The following PGD variants were observed in gnomAD, a reference collection of about 807,000 sequenced individuals.
PGD encodes the protein 6-phosphogluconate dehydrogenase, decarboxylating.
PGD carries 21 observed loss-of-function variants against 60.4 expected under a neutral mutation model. That is an observed-to-expected ratio of 0.35 (90% CI 0.25 to 0.50). The LOEUF (loss-of-function observed/expected upper bound fraction) is 0.50, where lower values mean the gene tolerates loss of function less well. Among genes scored for constraint, PGD ranks in the 20% least tolerant of loss-of-function variants. The pLI is 0.98. For missense variants in PGD, 477 were observed against 613.1 expected, an observed-to-expected ratio of 0.78 and a Z score of 2.34; for synonymous variants, 230 against 235.9, an observed-to-expected ratio of 0.97 and a Z score of 0.23.
At chr1:10,416,893 A>G (rs904387787) in intron 8 of PGD, 94 bp from the exon 9 acceptor site, 35 of 1,190,406 alleles carry the variant, frequency 2.9e-5, no homozygotes, top group Non-Finnish European at 3.9e-5. Context: ...GGCCATCTGG[A>G]TGTATACATG....
At chr1:10,403,181 C>A in intron 4 of PGD, 45 bp downstream of exon 4, 1 of 1,398,290 alleles carries the variant, frequency 7.2e-7, no homozygotes, top group Non-Finnish European at 1.0e-6. Flanking sequence ...CGAGAACATT[C>A]TAGAAAAAAG....
intron 3 of PGD, among the ~76,000 whole-genome samples, chr1:10,402,481 G>A (rs1639330995): frequency 6.6e-6 from 1 of 151,176 alleles, no homozygotes; most frequent in African/African-American, 2.4e-5. Context: ...TAGCCCAGGA[G>A]TTTGAGACCA....
Position 10,413,183 on chromosome 1 carries a change from G to A in PGD, c.776G>A (p.Gly259Glu), listed in dbSNP as rs750694945. Reference protein sequence around the residue: ...HLLPKIRDSAGQKGTGKWTAI... With the variant: ...HLLPKIRDSAEQKGTGKWTAI... ...CTGCCAAAGATCAGGGACAGCGCGG[G>A]GCAGAAGGGCACAGGGAAGTGGACC... Residue 259 changes from glycine (G) to glutamate (E), a missense_variant, in exon 8 of 13, where the codon GGG becomes GAG. Around this residue, in one of 3 missense-constraint regions of PGD, gnomAD observed 431 missense variants for 556.6 expected, o/e 0.77. Transcript: ENST00000270776. 2.5e-6 allele frequency: 4 copies of A among 1,614,182 alleles called. No homozygotes were observed. Among genetic ancestry groups the A allele is most frequent in the Admixed American group, 3.3e-5 (2 of 60,016 alleles).
Position 10,417,122 on chromosome 1 carries a change from G to A in PGD, c.975+5G>A. The A allele has an allele frequency of 1.2e-6, 2 of 1,613,822 alleles. No individual in the cohort carries two copies. Among genetic ancestry groups the A allele is most frequent in the Non-Finnish European group, 1.7e-6 (2 of 1,179,812 alleles). On this transcript the variant is annotated splice_donor_5th_base_variant and intron_variant, in intron 9 of 12. Coordinates refer to ENST00000270776, the MANE Select transcript of PGD (RefSeq NM_002631.4). The stretch of plus-strand genomic sequence containing the variant: ...TTCCTGGAGGACATTCGGAAGGTGG[G>A]ACACAGTCCCTGGCAGTGGTCTTTG...
Position 10,419,945 on chromosome 1 carries a change from G to A in PGD, c.*196G>A. The A allele has an allele frequency of 1.6e-6, 1 of 614,642 alleles. No individual in the cohort carries two copies. The highest frequency in any genetic ancestry group is 2.8e-6 in the Non-Finnish European group (1 of 357,224). The allele number at this position is 614,642 out of a possible 1,614,324, so 38.1% of individuals were successfully genotyped here. ...ACCATGCCCTCTGCCCTTGCCTCTT[G>A]GGACTGACCAGGAGCTGCTCATGTG... is the stretch of plus-strand genomic sequence containing the variant. On this transcript the variant is annotated 3_prime_UTR_variant, in exon 13 of 13. Coordinates refer to ENST00000270776, the MANE Select transcript of PGD (RefSeq NM_002631.4).
At chr1:10,414,071 G>A (rs1456958892) in intron 8 of PGD, among the ~76,000 whole-genome samples, 1 of 152,116 alleles carries the variant, frequency 6.6e-6, no homozygotes, top group Non-Finnish European at 1.5e-5. Flanking sequence ...AAAAAAGTTT[G>A]CGAATAACAT....
intron 4 of PGD, 151 bp from the exon 5 acceptor site, chr1:10,404,010 G>A (rs1318557276): frequency 1.4e-5 from 9 of 627,506 alleles, no homozygotes; most frequent in Non-Finnish European, 1.4e-5. Flanking sequence ...GTTATTCCTA[G>A]ATCCTTGGGT....
intron 10 of PGD, among the ~76,000 whole-genome samples, chr1:10,418,488 T>C (rs779823039): frequency 5.9e-5 from 9 of 152,058 alleles, no homozygotes; most frequent in Non-Finnish European, 1.2e-4. Flanking sequence ...TAAGATTCAT[T>C]GCATTTGGCC....
chr1:10,404,186 A>G lies in PGD; in HGVS notation c.356A>G (p.Lys119Arg). The change falls in exon 5 of 13, where the codon AAG (lysine) becomes AGG (arginine). Residue 119 changes from lysine (K) to arginine (R), a missense_variant. Lys to Arg is a conservative substitution (Grantham distance 26). Transcript: ENST00000270776. ...AGACGGTGCCGAGACCTCAAGGCCA[A>G]GGGAATTTTATTTGTGGGGAGCGGA... ...TTRRCRDLKA[K>R]GILFVGSGVS... 3.7e-6 allele frequency: 6 copies of G among 1,613,628 alleles called. No individual in the cohort carries two copies. The highest frequency in any genetic ancestry group is 5.1e-6 in the Non-Finnish European group (6 of 1,179,758).
At chr1:10,411,850 T>C (rs1639506433) in intron 7 of PGD, among the ~76,000 whole-genome samples, 1 of 152,238 alleles carries the variant, frequency 6.6e-6, no homozygotes, top group South Asian at 2.1e-4. Context: ...TTGTCCCACA[T>C]GGCAGATGCA....
rs201584341 is a variant in PGD at position 10,413,270 on chromosome 1, C to T, written c.844+19C>T. 41 of 1,605,796 alleles carry T rather than the reference C, an allele frequency of 2.6e-5. No homozygotes were observed. The African/African-American group carries it at 4.5e-4, about 18-fold the overall frequency. ...CTCATTGGTAATGTTATGCTTTTCA[C>T]ATGGGCCCTTTCGTCCACTATTCTG... On this transcript the variant is annotated intron_variant, in intron 8 of 12. Coordinates refer to ENST00000270776, the MANE Select transcript of PGD (RefSeq NM_002631.4).
intron 7 of PGD, 91 bp from the exon 8 acceptor site, chr1:10,412,971 T>G: frequency 1.8e-5 from 20 of 1,101,574 alleles, no homozygotes; most frequent in Non-Finnish European, 2.6e-5. Context: ...CTGGCAACCG[T>G]GAGCATTGGT....
chr1:10,418,426 CTT>C (rs1250438278), intron 10 of PGD, among the ~76,000 whole-genome samples: 1 of 152,104 alleles, frequency 6.6e-6, no homozygotes, highest in Non-Finnish European at 1.5e-5. Context: ...AGAAATGTAA[CTT>C]TGTTTCACTA....
In PGD at chr1:10,403,093, ACAT is replaced by A. The variant is rs1193877367; in HGVS notation, c.294_296del (p.Ile99del). 2 of 1,610,774 alleles carry A rather than the reference ACAT, an allele frequency of 1.2e-6. No individual in the cohort carries two copies. Among genetic ancestry groups the A allele is most frequent in the South Asian group, 2.2e-5 (2 of 91,030 alleles). Reference sequence around the variant, plus strand: ...CAGGTACCATTGTTGGATACTGGTGACATCATCATTGACGGAGGAAATTCTGAA... The same window carrying A: ...CAGGTACCATTGTTGGATACTGGTGACATCATTGACGGAGGAAATTCTGAA... On this transcript the variant is annotated inframe_deletion, in exon 4 of 13. Transcript: ENST00000270776.
chr1:10,411,694 G>A, intron 7 of PGD, 142 bp downstream of exon 7: 1 of 849,630 alleles, frequency 1.2e-6, no homozygotes, highest in Non-Finnish European at 1.9e-6. Context: ...GAAACTGTTA[G>A]TAATAGGCCT....
In PGD at chr1:10,403,080, T is replaced by C. The variant is rs1212529811; in HGVS notation, c.274T>C (p.Leu92=). 1 of 1,608,416 alleles carries C rather than the reference T, an allele frequency of 6.2e-7. No individual in the cohort carries two copies. The highest frequency in any genetic ancestry group is 1.1e-5 in the South Asian group (1 of 91,004). The part of the protein sequence containing the change: ...DDFIEKLVPL[L]DTGDIIIDGG... ...TGGTGTCTGGTTACAGGTACCATTGTTGGATACTGGTGACATCATCATTGA... is the reference window on the plus strand; with the variant it reads ...TGGTGTCTGGTTACAGGTACCATTGCTGGATACTGGTGACATCATCATTGA... The change falls in exon 4 of 13, where the codon TTG becomes CTG. Residue 92 remains leucine (L), a synonymous_variant. Coordinates refer to ENST00000270776, the MANE Select transcript of PGD (RefSeq NM_002631.4).
chr1:10,411,031 G>C (rs544392821), intron 6 of PGD, among the ~76,000 whole-genome samples: 1 of 151,850 alleles, frequency 6.6e-6, no homozygotes, highest in South Asian at 2.1e-4. Context: ...TTAACCTCTA[G>C]TTGCTAGAAA....
chr1:10,411,908 TAATCTGAAA>T (rs1183599495), intron 7 of PGD, among the ~76,000 whole-genome samples: 2 of 152,228 alleles, frequency 1.3e-5, no homozygotes, highest in Non-Finnish European at 2.9e-5. Context: ...TTTTGATAGT[TAATCTGAAA>T]AGTCAGTCCA....
intron 8 of PGD, among the ~76,000 whole-genome samples, chr1:10,416,568 G>T (rs1186003633): frequency 6.6e-6 from 1 of 152,190 alleles, no homozygotes; most frequent in Non-Finnish European, 1.5e-5. Flanking sequence ...CTTTGTGTGA[G>T]CAATAAAGCT....
Sources: allele counts gnomAD v4.1 joint callset (sites outside exome capture counted in the v4.1 genomes callset), GRCh38; gene constraint gnomAD v4.1.1; regional missense constraint gnomAD v4.1.1; transcripts MANE v1.5; gene names NCBI Gene and HGNC (gene_info 2026-07-23, HGNC 2026-07-21).